The following MAP4K1 variants were observed in gnomAD, a reference collection of about 807,000 sequenced individuals.
MAP4K1 encodes the protein MAPK/ERK kinase kinase kinase 1.
A neutral mutation model predicts 122.8 loss-of-function variants in MAP4K1; 35 were observed. The observed-to-expected ratio is 0.29, with a 90% CI of 0.22 to 0.38. The LOEUF (loss-of-function observed/expected upper bound fraction) is 0.38, where lower values mean the gene tolerates loss of function less well. MAP4K1 is among the 10% of genes least tolerant of loss of function. MAP4K1 has a pLI of 1.00. For synonymous variants in MAP4K1, 412 were observed against 421.3 expected (o/e 0.98, Z 0.27); for missense variants, 791 against 1,072.6 (o/e 0.74, Z 3.67).
At chr19:38,616,737 A>G (rs557902802) in intron 3 of MAP4K1, among the ~76,000 whole-genome samples, 1 of 152,318 alleles carries the variant, frequency 6.6e-6, no homozygotes, top group East Asian at 1.9e-4. Flanking sequence ...CTTCGTTTCA[A>G]GGGAGTTGAT....
intron 7 of MAP4K1, 36 bp from the exon 8 acceptor site, chr19:38,613,988 A>G (rs1975574437): frequency 6.2e-7 from 1 of 1,612,882 alleles, no homozygotes; most frequent in Non-Finnish European, 8.5e-7. Flanking sequence ...TCTGGGGTCC[A>G]CTGCGCTTCC....
Position 38,600,167 on chromosome 19 carries a change from CA to C in MAP4K1, c.1532-15del. 6.2e-7 allele frequency: 1 copy of C among 1,613,204 alleles called. No homozygotes were observed. The highest frequency in any genetic ancestry group is 8.5e-7 in the Non-Finnish European group (1 of 1,179,230). On this transcript the variant is annotated splice_polypyrimidine_tract_variant and intron_variant, in intron 20 of 30. Transcript: ENST00000396857. ...GCAGGTGCTGGTCTGGAGGCACAGA[CA>C]AGGACGCTGGGACCGACTTCATCCT...
chr19:38,602,987 C>T (rs1246337937), intron 19 of MAP4K1, among the ~76,000 whole-genome samples: 2 of 126,480 alleles, frequency 1.6e-5, no homozygotes, highest in East Asian at 3.0e-4. Flanking sequence ...TACGCATATA[C>T]ATATATACAT....
intron 27 of MAP4K1, 27 bp from the exon 28 acceptor site, chr19:38,595,756 A>C: frequency 6.4e-7 from 1 of 1,565,238 alleles, no homozygotes; most frequent in Non-Finnish European, 8.7e-7. Flanking sequence ...GGTTTTAAGA[A>C]CTGTGAGCAA....
Position 38,609,668 on chromosome 19 carries a change from G to C in MAP4K1, c.934C>G (p.Pro312Ala), listed in dbSNP as rs55924696. 3 of 1,612,082 alleles carry C rather than the reference G, an allele frequency of 1.9e-6. No individual in the cohort carries two copies. The highest frequency in any genetic ancestry group is 2.5e-6 in the Non-Finnish European group (3 of 1,179,288). ...GATCTGATCCGCCGAGGGATAGCAG[G>C]GGGTAGCTGGGCAGAGGGGCAGCCA... is the stretch of plus-strand genomic sequence containing the variant. The part of the protein sequence containing the change: ...DIEDEEPELP[P>A]AIPRRIRSTH... The change falls in exon 13 of 31, where the codon CCT becomes GCT. Residue 312 changes from proline to alanine, a missense_variant. This residue lies in a region of MAP4K1 where 303 missense variants were observed against 344.8 expected (regional missense o/e 0.88). Coordinates refer to ENST00000396857, the MANE Select transcript of MAP4K1 (RefSeq NM_001042600.3).
chr19:38,610,686 G>A (rs1975471725), intron 11 of MAP4K1, among the ~76,000 whole-genome samples: 1 of 151,818 alleles, frequency 6.6e-6, no homozygotes, highest in Admixed American at 6.6e-5. Context: ...ATGCCCAGCC[G>A]ACCGGTGGGA....
intron 8 of MAP4K1, 94 bp downstream of exon 8, chr19:38,613,786 G>C: frequency 1.1e-6 from 1 of 945,048 alleles, no homozygotes. Context: ...ACGAGGCAGG[G>C]GAACGGAGCC....
At chr19:38,605,337 CCCCCT>C in intron 19 of MAP4K1, 67 bp downstream of exon 19, 6 of 1,098,006 alleles carry the variant, frequency 5.5e-6, no homozygotes, top group Non-Finnish European at 8.0e-6. Flanking sequence ...AGTCCTGCCA[CCCCCT>C]CCCCACCCCA....
At position 38,614,614 on chromosome 19, in the gene MAP4K1, G is replaced by C. The variant is rs1599721135; in HGVS notation, c.314-169C>G. The C allele has an allele frequency of 1.6e-5, 11 of 697,660 alleles. No homozygotes were observed. The East Asian group carries it at 2.9e-4, about 19-fold the overall frequency. 43.2% of individuals were successfully genotyped at this position (697,660 alleles called of 1,614,324 possible). A position where few individuals can be genotyped will look rare whatever the true frequency, so the allele number is the denominator to read the frequency against. On this transcript the variant is annotated intron_variant, in intron 4 of 30. Coordinates refer to ENST00000396857, the MANE Select transcript of MAP4K1 (RefSeq NM_001042600.3). Reference sequence around the variant, plus strand: ...GGGTGGTCAGTGACAGAAAGAGGCAGCAATGCAAATAAAAGAGGCCAATAG... The same window carrying C: ...GGGTGGTCAGTGACAGAAAGAGGCACCAATGCAAATAAAAGAGGCCAATAG...
rs1568625664 is a variant in MAP4K1 at position 38,597,699 on chromosome 19, C to T, written c.1670-105G>A. 9 of 692,300 alleles carry T rather than the reference C, an allele frequency of 1.3e-5. No homozygotes were observed. The highest frequency in any genetic ancestry group is 2.2e-5 in the Non-Finnish European group (9 of 416,232). 42.9% of individuals were successfully genotyped at this position (692,300 alleles called of 1,614,324 possible). A position where few individuals can be genotyped will look rare whatever the true frequency, so the allele number is the denominator to read the frequency against. On this transcript the variant is annotated intron_variant, in intron 22 of 30. Coordinates refer to ENST00000396857, the MANE Select transcript of MAP4K1 (RefSeq NM_001042600.3). The surrounding 1 kb of genome is among the most constrained non-coding windows in gnomAD (Gnocchi z 4.6). ...CAGCCCCATCCCTTTGTCTGAAACT[C>T]CCAAGCCTGCAAGTCTCAAGTACTT... is the stretch of plus-strand genomic sequence containing the variant.
chr19:38,596,952 G>T, intron 25 of MAP4K1, 82 bp downstream of exon 25: 2 of 1,321,728 alleles, frequency 1.5e-6, no homozygotes, highest in Non-Finnish European at 2.2e-6. Flanking sequence ...GGGCTTCATG[G>T]AGCTCTTGAT....
Position 38,603,286 on chromosome 19 carries a change from A to G in MAP4K1, c.1447-1761T>C, listed in dbSNP as rs568959908. On this transcript the variant is annotated intron_variant, in intron 19 of 30. Coordinates refer to ENST00000396857, the MANE Select transcript of MAP4K1 (RefSeq NM_001042600.3). ...CATATACATATATACACATACATAT[A>G]CACACACACATACATGTATACATAT... 6.3e-5 allele frequency among the ~76,000 whole-genome samples: 8 copies of G among 127,592 alleles called. No individual in the cohort carries two copies. The South Asian group carries it at 1.5e-3, about 24-fold the overall frequency. The allele number at this position is 127,592 out of a possible 152,430, so 83.7% of individuals were successfully genotyped here.
At chr19:38,606,398 G>A (rs191884964) in intron 16 of MAP4K1, among the ~76,000 whole-genome samples, 183 bp from the exon 17 acceptor site, 133 of 152,352 alleles carry the variant, frequency 8.7e-4, no homozygotes, top group Admixed American at 2.7e-3. Flanking sequence ...AGTGGCTCAT[G>A]CCTGTAATCG....
rs769449732 is a variant in MAP4K1, at chr19:38,595,610, G to A, written c.2269+30C>T. 24 of 1,614,000 alleles carry A rather than the reference G, an allele frequency of 1.5e-5. No homozygotes were observed. In the East Asian group the frequency reaches 5.3e-4, roughly 36 times the overall value. ...GGGGATCACTTGAGTTTCCACCCCT[G>A]ATCCTGGGCTCTCCCGTCCCTGCAC... is the stretch of plus-strand genomic sequence containing the variant. On this transcript the variant is annotated intron_variant, in intron 28 of 30. Coordinates refer to ENST00000396857, the MANE Select transcript of MAP4K1 (RefSeq NM_001042600.3).
intron 30 of MAP4K1, among the ~76,000 whole-genome samples, chr19:38,589,866 C>T (rs1000896711): frequency 1.3e-5 from 2 of 151,928 alleles, no homozygotes; most frequent in Non-Finnish European, 2.9e-5. Context: ...CCTGTCTGTA[C>T]AAAAAATACG....
intron 19 of MAP4K1, among the ~76,000 whole-genome samples, chr19:38,602,599 C>T (rs1036434153): frequency 2.7e-5 from 4 of 146,596 alleles, no homozygotes; most frequent in Admixed American, 6.9e-5. Flanking sequence ...TACATATATA[C>T]GCATATACAT....
intron 20 of MAP4K1, among the ~76,000 whole-genome samples, chr19:38,600,793 CTA>C (rs1975036047): frequency 6.7e-6 from 1 of 148,680 alleles, no homozygotes; most frequent in Admixed American, 6.9e-5. Context: ...ACTCATCCCT[CTA>C]CCCATTTTTT....
chr19:38,605,306 A>T, intron 19 of MAP4K1, 103 bp downstream of exon 19: 1 of 876,900 alleles, frequency 1.1e-6, no homozygotes, highest in South Asian at 1.6e-5. Flanking sequence ...CGCTCAACAA[A>T]TGTCACCTGT....
chr19:38,608,318 G>A, intron 13 of MAP4K1, 148 bp from the exon 14 acceptor site: 1 of 482,162 alleles, frequency 2.1e-6, no homozygotes, highest in Middle Eastern at 5.4e-4. Context: ...GTCCCTTGGG[G>A]AAAGGGGTCT....
Sources: gnomAD v4.1 joint callset for allele counts (sites outside exome capture counted in the v4.1 genomes callset) on GRCh38, gnomAD v4.1.1 for gene constraint, gnomAD v4.1.1 regional missense constraint, Gnocchi (gnomAD v3.1) non-coding constraint, MANE v1.5 for transcripts, NCBI Gene and HGNC (gene_info 2026-07-23, HGNC 2026-07-21) for gene names.